MDP1: variants seen among roughly 807,000 people sequenced by gnomAD.
MDP1 encodes the protein magnesium-dependent phosphatase 1.
MDP1 carries 18 observed loss-of-function variants against 21.6 expected under a neutral mutation model. The ratio of observed to expected loss-of-function variants is 0.83; its 90% CI spans 0.58 to 1.24. The LOEUF (loss-of-function observed/expected upper bound fraction) is 1.24, where lower values mean the gene tolerates loss of function less well. MDP1 is among the 50% of genes most tolerant of loss of function. The probability of loss-of-function intolerance (pLI) is 0.00; values close to 1 mark genes in which losing one functional copy is unlikely to be tolerated. For missense variants in MDP1, 207 were observed against 218.6 expected, an observed-to-expected ratio of 0.95 and a Z score of 0.33; for synonymous variants, 101 against 83.2, an observed-to-expected ratio of 1.21 and a Z score of -1.16.
chr14:24,215,720 C>T lies in MDP1; in HGVS notation c.98+17G>A. 1 of 1,614,226 alleles carries T rather than the reference C, an allele frequency of 6.2e-7. No individual in the cohort carries two copies. The highest frequency in any genetic ancestry group is 8.5e-7 in the Non-Finnish European group (1 of 1,180,052). ...TGGGTCCTATCTCGCCCCCAGTCTT[C>T]CCTGTCCCTACCTCACCTGCTCTTA... On this transcript the variant is annotated intron_variant, in intron 2 of 5. Transcript: ENST00000288087.
chr14:24,214,319 T>C lies in MDP1; in HGVS notation c.394A>G (p.Ser132Gly). 1 of 1,614,234 alleles carries C rather than the reference T, an allele frequency of 6.2e-7. No homozygotes were observed. Among genetic ancestry groups the C allele is most frequent in the Non-Finnish European group, 8.5e-7 (1 of 1,180,044 alleles). ...DDERRNIVDV[S>G]KLGVTCIHIQ... ...CCTCATCACTCAGTACCCAGTTTGC[T>C]GACGTCTACAATATTCCGCCTCTCA... The change falls in exon 5 of 6, where the codon AGC becomes GGC. Residue 132 changes from serine to glycine, a missense_variant. Physicochemically the swap from Ser to Gly is moderately conservative, Grantham distance 56. Coordinates refer to ENST00000288087, the MANE Select transcript of MDP1 (RefSeq NM_138476.4).
At chr14:24,215,832 G>A (rs368768186) in intron 1 of MDP1, 35 bp from the exon 2 acceptor site, 1 of 1,614,206 alleles carries the variant, frequency 6.2e-7, no homozygotes, top group South Asian at 1.1e-5. Context: ...TTCAGCCTGG[G>A]GCGGGAGATG....
chr14:24,215,134 G>A (rs2039659972), intron 3 of MDP1, among the ~76,000 whole-genome samples: 1 of 131,514 alleles, frequency 7.6e-6, no homozygotes, highest in South Asian at 2.4e-4. Context: ...CACCCAGGCT[G>A]AAGTGCAGTG....
Position 24,214,072 on chromosome 14 carries a change from T to C in MDP1, c.483A>G (p.Gln161=), listed in dbSNP as rs368781852. 8.7e-6 allele frequency: 14 copies of C among 1,613,104 alleles called. No individual in the cohort carries two copies. Among genetic ancestry groups the C allele is most frequent in the South Asian group, 2.2e-5 (2 of 91,004 alleles). The change falls in exon 6 of 6, where the codon CAA becomes CAG. Residue 161 remains glutamine, a synonymous_variant. Coordinates refer to ENST00000288087, the MANE Select transcript of MDP1 (RefSeq NM_138476.4). ...CAAGGCTGGACCTCAAAGGCCCAGTTTGGGCCTTCGCAAATGTCTCTAACC... is the reference window on the plus strand; with the variant it reads ...CAAGGCTGGACCTCAAAGGCCCAGTCTGGGCCTTCGCAAATGTCTCTAACC... ...SQGLETFAKA[Q]TGPLRSSLEE...
rs1329243970 is a variant in MDP1 at position 24,215,909 on chromosome 14, C to T, written c.37+10G>A. The T allele has an allele frequency of 1.2e-6, 2 of 1,614,222 alleles. No individual in the cohort carries two copies. Among genetic ancestry groups the T allele is most frequent in the Non-Finnish European group, 1.7e-6 (2 of 1,180,042 alleles). On this transcript the variant is annotated intron_variant, in intron 1 of 5. Transcript: ENST00000288087. ...GCACCTTACGAAATTCTCCCCTTCC[C>T]GTCCCTCACCCAAATCAAAGACTGC...
chr14:24,215,710 C>G, intron 2 of MDP1, 27 bp downstream of exon 2: 1 of 1,614,196 alleles, frequency 6.2e-7, no homozygotes, highest in Non-Finnish European at 8.5e-7. Flanking sequence ...CCTATCTCGC[C>G]CCCAGTCTTC....
At chr14:24,214,648 TAC>T (rs781369712) in intron 3 of MDP1, 49 bp from the exon 4 acceptor site, 9 of 1,596,106 alleles carry the variant, frequency 5.6e-6, no homozygotes, top group Non-Finnish European at 7.7e-6. Flanking sequence ...GGGCCAGGGC[TAC>T]GTTAACTTAT....
intron 3 of MDP1, 21 bp downstream of exon 3, chr14:24,215,531 G>A: frequency 6.2e-7 from 1 of 1,612,252 alleles, no homozygotes. Context: ...TACACTGTCA[G>A]TTGTCAGTCG....
chr14:24,214,244 C>T, intron 5 of MDP1, 66 bp downstream of exon 5: 2 of 1,613,158 alleles, frequency 1.2e-6, no homozygotes, highest in Non-Finnish European at 1.7e-6. Context: ...GCAAACTATC[C>T]AACCTGTATG....
At position 24,215,903 on chromosome 14, in the gene MDP1, C is replaced by A. The variant is rs559953323; in HGVS notation, c.37+16G>T. 5.6e-6 allele frequency: 9 copies of A among 1,614,204 alleles called. No individual in the cohort carries two copies. The East Asian group carries it at 1.6e-4, about 28-fold the overall frequency. On this transcript the variant is annotated intron_variant, in intron 1 of 5. Coordinates refer to ENST00000288087, the MANE Select transcript of MDP1 (RefSeq NM_138476.4). ...AGGAGAGCACCTTACGAAATTCTCC[C>A]CTTCCCGTCCCTCACCCAAATCAAA... is the stretch of plus-strand genomic sequence containing the variant.
chr14:24,215,422 G>A, intron 3 of MDP1, 130 bp downstream of exon 3: 5 of 1,071,336 alleles, frequency 4.7e-6, no homozygotes, highest in Non-Finnish European at 6.9e-6. Flanking sequence ...GCACAGGAGA[G>A]CGTTCAAGGG....
At chr14:24,214,674 T>C in intron 3 of MDP1, 75 bp from the exon 4 acceptor site, 1 of 1,526,748 alleles carries the variant, frequency 6.5e-7, no homozygotes, top group Non-Finnish European at 9.0e-7. Flanking sequence ...GCAAAGTTAG[T>C]AAGTATAACC....
chr14:24,214,664 G>A, intron 3 of MDP1, 65 bp from the exon 4 acceptor site: 1 of 1,558,122 alleles, frequency 6.4e-7, no homozygotes, highest in Non-Finnish European at 8.8e-7. Context: ...AACTTATTAA[G>A]CAAAGTTAGT....
At chr14:24,215,688 C>T (rs778790488) in intron 2 of MDP1, 26 bp from the exon 3 acceptor site, 1 of 1,614,192 alleles carries the variant, frequency 6.2e-7, no homozygotes, top group East Asian at 2.2e-5. Flanking sequence ...GTGCGCTCAG[C>T]CCTGGCTGGG....
At chr14:24,215,211 G>A (rs1308401971) in intron 3 of MDP1, among the ~76,000 whole-genome samples, 31 of 150,034 alleles carry the variant, frequency 2.1e-4, no homozygotes, top group Admixed American at 1.9e-3. Flanking sequence ...TCAGCCTCCC[G>A]AGTAGCTAGG....
chr14:24,214,208 T>G, intron 5 of MDP1, 57 bp from the exon 6 acceptor site: 1 of 1,610,194 alleles, frequency 6.2e-7, no homozygotes, highest in Non-Finnish European at 8.5e-7. Context: ...ATTATTACTC[T>G]GACCTTTGTG....
In MDP1 at chr14:24,215,904, C is replaced by T. The variant is rs2039686657; in HGVS notation, c.37+15G>A. 7 of 1,614,222 alleles carry T rather than the reference C, an allele frequency of 4.3e-6. No homozygotes were observed. In the South Asian group the frequency reaches 5.5e-5, roughly 13 times the overall value. On this transcript the variant is annotated intron_variant, in intron 1 of 5. Coordinates refer to ENST00000288087, the MANE Select transcript of MDP1 (RefSeq NM_138476.4). The stretch of plus-strand genomic sequence containing the variant: ...GGAGAGCACCTTACGAAATTCTCCC[C>T]TTCCCGTCCCTCACCCAAATCAAAG...
chr14:24,215,499 T>C (rs932136389), intron 3 of MDP1, 53 bp downstream of exon 3: 2 of 1,582,342 alleles, frequency 1.3e-6, no homozygotes, highest in African/African-American at 2.7e-5. Context: ...TTTCACTGTC[T>C]CTTGCATGCA....
rs776090877 is a variant in MDP1, at chr14:24,215,740, C to A, written c.95G>T (p.Ser32Ile). ...DTHVDPPFHK[S>I]SDGTVRDRRG... ...GTCTTCCCTGTCCCTACCTCACCTG[C>A]TCTTATGGAACGGAGGGTCTACGTG... Residue 32 changes from serine (S) to isoleucine (I), a missense_variant, in exon 2 of 6, where the codon AGC (serine) becomes ATC (isoleucine). Transcript: ENST00000288087. 2 of 1,614,094 alleles carry A rather than the reference C, an allele frequency of 1.2e-6. No individual in the cohort carries two copies. The highest frequency in any genetic ancestry group is 2.7e-5 in the African/African-American group (2 of 74,920).
Sources: gnomAD v4.1 joint callset for allele counts (sites outside exome capture counted in the v4.1 genomes callset) on GRCh38, gnomAD v4.1.1 for gene constraint, MANE v1.5 for transcripts, NCBI Gene and HGNC (gene_info 2026-07-23, HGNC 2026-07-21) for gene names.